ZNF697: variants seen among roughly 807,000 people sequenced by gnomAD.
ZNF697 encodes the protein zinc finger protein 697.
Under a neutral mutation model 32.4 loss-of-function variants are expected in ZNF697, and 23 were observed. The ratio of observed to expected loss-of-function variants is 0.71; its 90% CI spans 0.51 to 1.01. The LOEUF is 1.01. Ranked by LOEUF, ZNF697 falls within the 50% of genes least tolerant of loss-of-function variation. The pLI is 0.00. For missense variants in ZNF697, 930 were observed against 794.0 expected (o/e 1.17, Z -2.06); for synonymous variants, 418 against 337.2 (o/e 1.24, Z -2.62).
Position 119,624,022 on chromosome 1 carries a change from A to G in ZNF697, c.321T>C (p.Ser107=). ...VADMAMFPGL[S]ESDSISRSLR... is the part of the protein sequence containing the mutation. Reference sequence around the variant, plus strand: ...GGCTCCGGGATATGCTGTCAGACTCAGACAGTCCTGGGAACATCGCCATGT... The same window carrying G: ...GGCTCCGGGATATGCTGTCAGACTCGGACAGTCCTGGGAACATCGCCATGT... Residue 107 remains serine (S), a synonymous_variant, in exon 3 of 3, where the codon TCT becomes TCC. Transcript: ENST00000421812. The G allele has an allele frequency of 6.2e-7, 1 of 1,613,266 alleles. No individual in the cohort carries two copies. Among genetic ancestry groups the G allele is most frequent in the Non-Finnish European group, 8.5e-7 (1 of 1,179,644 alleles).
At chr1:119,639,211 A>G (rs587675847) in intron 1 of ZNF697, among the ~76,000 whole-genome samples, 1 of 152,228 alleles carries the variant, frequency 6.6e-6, no homozygotes, top group East Asian at 1.9e-4. Context: ...ACCCCTTTCA[A>G]TCAAATCAGT....
At chr1:119,640,092 G>GT (rs1166992269) in intron 1 of ZNF697, among the ~76,000 whole-genome samples, 2 of 152,070 alleles carry the variant, frequency 1.3e-5, no homozygotes, top group African/African-American at 4.8e-5. Flanking sequence ...CCTAATATTA[G>GT]TTTTTTAAAT....
chr1:119,622,786 C>T lies in ZNF697; in HGVS notation c.1557G>A (p.Lys519=), dbSNP rs775593193. ...TGCCGCAGCCCGCACACTTGTGCGG[C>T]TTGTTGCCCGTGTGGATGCGGCGGT... is the stretch of plus-strand genomic sequence containing the variant. ...IRHRRIHTGN[K]PHKCAGCGKG... The change falls in exon 3 of 3, where the codon AAG becomes AAA. Residue 519 remains lysine (K), a synonymous_variant. Coordinates refer to ENST00000421812, the MANE Select transcript of ZNF697 (RefSeq NM_001080470.2). 6.3e-7 allele frequency: 1 copy of T among 1,597,348 alleles called. No individual in the cohort carries two copies. Among genetic ancestry groups the T allele is most frequent in the Non-Finnish European group, 8.5e-7 (1 of 1,172,138 alleles).
At chr1:119,635,350 A>T (rs1648892777) in intron 1 of ZNF697, among the ~76,000 whole-genome samples, 1 of 152,220 alleles carries the variant, frequency 6.6e-6, no homozygotes, top group African/African-American at 2.4e-5. Context: ...AGATACTAAT[A>T]GAAACTTAAG....
intron 1 of ZNF697, among the ~76,000 whole-genome samples, chr1:119,631,149 G>A (rs587646036): frequency 6.6e-6 from 1 of 152,334 alleles, no homozygotes; most frequent in East Asian, 1.9e-4. Flanking sequence ...ATAGCACCAA[G>A]TCTCCCAGCC....
At chr1:119,641,144 T>C (rs903564309) in intron 1 of ZNF697, among the ~76,000 whole-genome samples, 1 of 152,226 alleles carries the variant, frequency 6.6e-6, no homozygotes, top group East Asian at 1.9e-4. Context: ...TATTAGGAAG[T>C]AGAGAAACAG....
Position 119,620,352 on chromosome 1 carries a change from C to A in ZNF697, c.*2353G>T, listed in dbSNP as rs1303327577. ...TATATTTGATGCAGACGAGACCAGG[C>A]ATAGCAATGGCAGCAAAAAAGCAAA... On this transcript the variant is annotated 3_prime_UTR_variant, in exon 3 of 3. Coordinates refer to ENST00000421812, the MANE Select transcript of ZNF697 (RefSeq NM_001080470.2). The A allele has an allele frequency of 6.6e-6, 1 of 152,162 alleles. No individual in the cohort carries two copies. Among genetic ancestry groups the A allele is most frequent in the Non-Finnish European group, 1.5e-5 (1 of 67,982 alleles). The allele number at this position is 152,162 out of a possible 1,614,324, so 9.4% of individuals were successfully genotyped here.
Position 119,619,838 on chromosome 1 carries a change from G to A in ZNF697, c.*2867C>T, listed in dbSNP as rs1313792354. On this transcript the variant is annotated 3_prime_UTR_variant, in exon 3 of 3. Transcript: ENST00000421812. ...TTTAAATTGCTCCAGGTTTTGCTTA[G>A]TAAAGGGCAGCAGAGGAAGACTGCT... 6.6e-6 allele frequency: 1 copy of A among 152,594 alleles called. No individual in the cohort carries two copies. Among genetic ancestry groups the A allele is most frequent in the African/African-American group, 2.4e-5 (1 of 41,432 alleles). The allele number at this position is 152,594 out of a possible 1,614,324, so 9.5% of individuals were successfully genotyped here.
chr1:119,627,136 A>G (rs1006164942), intron 1 of ZNF697, among the ~76,000 whole-genome samples: 3 of 152,220 alleles, frequency 2.0e-5, no homozygotes, highest in Admixed American at 6.5e-5. Context: ...GCAGCCAAAC[A>G]GTTTCTAGGT....
rs1261350845 is a variant in ZNF697 at position 119,622,050 on chromosome 1, A to G, written c.*655T>C. The stretch of plus-strand genomic sequence containing the variant: ...GATTTCCCACATCAGAGAACCAGTT[A>G]TAAATGAATTTCTAAACCCCAGACA... On this transcript the variant is annotated 3_prime_UTR_variant, in exon 3 of 3. Transcript: ENST00000421812. The G allele has an allele frequency of 6.5e-6, 1 of 152,674 alleles. No homozygotes were observed. 9.5% of individuals were successfully genotyped at this position (152,674 alleles called of 1,614,324 possible).
intron 1 of ZNF697, among the ~76,000 whole-genome samples, chr1:119,632,348 G>C (rs1648803616): frequency 6.6e-6 from 1 of 152,204 alleles, no homozygotes; most frequent in Non-Finnish European, 1.5e-5. Flanking sequence ...TGCTGCGTGA[G>C]GGTGAACATT....
In ZNF697 at chr1:119,641,231, T is replaced by A. The variant is rs143693187; in HGVS notation, c.-38+6460A>T. On this transcript the variant is annotated intron_variant, in intron 1 of 2. Coordinates refer to ENST00000421812, the MANE Select transcript of ZNF697 (RefSeq NM_001080470.2). ...CTGCAGTCTGGTTAAATTCAACTGATGCTTATTGTTATAAGGGGGGTGGTA... is the reference window on the plus strand; with the variant it reads ...CTGCAGTCTGGTTAAATTCAACTGAAGCTTATTGTTATAAGGGGGGTGGTA... Among the ~76,000 whole-genome samples the A allele has an allele frequency of 3.7e-3, 564 of 152,312 alleles. 4 individuals are homozygous for A. The highest frequency in any genetic ancestry group is 5.9e-3 in the Non-Finnish European group (398 of 68,020).
At chr1:119,632,619 A>G (rs1289145178) in intron 1 of ZNF697, among the ~76,000 whole-genome samples, 1 of 152,154 alleles carries the variant, frequency 6.6e-6, no homozygotes, top group Non-Finnish European at 1.5e-5. Flanking sequence ...GGGGTCAGAC[A>G]TTTCCTGTCC....
chr1:119,646,612 T>G (rs1649212753), intron 1 of ZNF697, among the ~76,000 whole-genome samples: 1 of 152,206 alleles, frequency 6.6e-6, no homozygotes. Flanking sequence ...CCATGAGCCT[T>G]GCATACTCCT....
Position 119,623,741 on chromosome 1 carries a change from C to G in ZNF697, c.602G>C (p.Gly201Ala). 1 of 1,537,768 alleles carries G rather than the reference C, an allele frequency of 6.5e-7. No homozygotes were observed. Among genetic ancestry groups the G allele is most frequent in the South Asian group, 1.2e-5 (1 of 83,904 alleles). Residue 201 changes from glycine to alanine, a missense_variant, in exon 3 of 3, where the codon GGC becomes GCC. Physicochemically the swap from Gly to Ala is moderately conservative, Grantham distance 60. Coordinates refer to ENST00000421812, the MANE Select transcript of ZNF697 (RefSeq NM_001080470.2). The part of the protein sequence containing the change: ...CPDCGESFSP[G>A]AAFLQHQRIH... ...GCGCTGGTGCTGCAGGAAGGCGGCG[C>G]CAGGACTGAAGCTCTCCCCGCAGTC...
At chr1:119,639,486 G>A (rs1649007863) in intron 1 of ZNF697, among the ~76,000 whole-genome samples, 1 of 152,078 alleles carries the variant, frequency 6.6e-6, no homozygotes, top group African/African-American at 2.4e-5. Flanking sequence ...AAATTCCCCA[G>A]AAGGCACCCT....
In ZNF697 at chr1:119,624,018, A is replaced by G. The variant is rs368046788; in HGVS notation, c.325T>C (p.Ser109Pro). Residue 109 changes from serine (S) to proline (P), a missense_variant, in exon 3 of 3, where the codon TCT becomes CCT. Ser to Pro is a moderately conservative substitution (Grantham distance 74). Transcript: ENST00000421812. ...CGGAGGCTCCGGGATATGCTGTCAGACTCAGACAGTCCTGGGAACATCGCC... is the reference window on the plus strand; with the variant it reads ...CGGAGGCTCCGGGATATGCTGTCAGGCTCAGACAGTCCTGGGAACATCGCC... ...DMAMFPGLSE[S>P]DSISRSLRED... is the part of the protein sequence containing the mutation. 101 of 1,613,132 alleles carry G rather than the reference A, an allele frequency of 6.3e-5. No individual in the cohort carries two copies. The highest frequency in any genetic ancestry group is 2.0e-4 in the African/African-American group (15 of 74,970).
intron 1 of ZNF697, among the ~76,000 whole-genome samples, chr1:119,638,369 A>G (rs1191467432): frequency 6.6e-6 from 1 of 152,156 alleles, no homozygotes; most frequent in Admixed American, 6.5e-5. Context: ...ACCCACATCA[A>G]TTATCAGCTA....
chr1:119,636,791 C>G (rs1260139324), intron 1 of ZNF697, among the ~76,000 whole-genome samples: 1 of 152,212 alleles, frequency 6.6e-6, no homozygotes, highest in African/African-American at 2.4e-5. Context: ...CTCAATCCAA[C>G]ATAACCTTTG....
Sources: gnomAD v4.1 joint callset for allele counts (sites outside exome capture counted in the v4.1 genomes callset) on GRCh38, gnomAD v4.1.1 for gene constraint, MANE v1.5 for transcripts, NCBI Gene and HGNC (gene_info 2026-07-23, HGNC 2026-07-21) for gene names.